BPIFB4: variants seen among roughly 807,000 people sequenced by gnomAD.
BPIFB4 encodes BPI fold-containing family B member 4.
Under a neutral mutation model 69.2 loss-of-function variants are expected in BPIFB4, and 62 were observed. The observed-to-expected ratio is 0.90, with a 90% CI of 0.73 to 1.11. The LOEUF (loss-of-function observed/expected upper bound fraction) is 1.11, where lower values mean the gene tolerates loss of function less well. Ranked by LOEUF, BPIFB4 falls within the 50% of genes least tolerant of loss-of-function variation. BPIFB4 has a pLI of 0.00. For missense variants in BPIFB4, 789 were observed against 792.0 expected (o/e 1.00, Z 0.04); for synonymous variants, 330 against 332.7 (o/e 0.99, Z 0.09).
intron 11 of BPIFB4, among the ~76,000 whole-genome samples, chr20:33,093,943 T>C (rs1055087672): frequency 1.2e-4 from 19 of 152,074 alleles, no homozygotes; most frequent in Non-Finnish European, 2.6e-4. Flanking sequence ...TCTGTCTGTC[T>C]CTCTGTCTGT....
At chr20:33,095,903 G>T (rs1981740496) in intron 12 of BPIFB4, among the ~76,000 whole-genome samples, 1 of 152,120 alleles carries the variant, frequency 6.6e-6, no homozygotes, top group African/African-American at 2.4e-5. Context: ...CCCCAGTTCT[G>T]GTCCCATGTC....
At chr20:33,092,359 T>C in intron 10 of BPIFB4, 99 bp from the exon 11 acceptor site, 1 of 1,119,730 alleles carries the variant, frequency 8.9e-7, no homozygotes, top group Non-Finnish European at 1.3e-6. Context: ...TAACCAAAAA[T>C]GGCTGCCTGG....
chr20:33,081,345 A>G (rs1981222170), intron 2 of BPIFB4, among the ~76,000 whole-genome samples, 167 bp from the exon 3 acceptor site: 1 of 152,226 alleles, frequency 6.6e-6, no homozygotes, highest in Admixed American at 6.5e-5. Context: ...CTCAAAAGGT[A>G]GTATCTGGAA....
intron 13 of BPIFB4, among the ~76,000 whole-genome samples, chr20:33,098,458 A>C (rs1165808529): frequency 1.3e-5 from 2 of 152,104 alleles, no homozygotes; most frequent in African/African-American, 2.4e-5. Flanking sequence ...TAAAATGTGA[A>C]CCATGGCCAG....
intron 7 of BPIFB4, among the ~76,000 whole-genome samples, chr20:33,087,997 C>G (rs752011613): frequency 6.6e-6 from 1 of 151,932 alleles, no homozygotes; most frequent in South Asian, 2.1e-4. Flanking sequence ...GGTTCGGTGG[C>G]GAGGGACGGA....
rs919637634 is a variant in BPIFB4, at chr20:33,111,509, C to T, written c.*72C>T. 2.5e-6 allele frequency: 4 copies of T among 1,581,422 alleles called. No individual in the cohort carries two copies. The South Asian group carries it at 4.5e-5, about 18-fold the overall frequency. Reference sequence around the variant, plus strand: ...GTCCCAGAGAGGCTCGGCCTGGAAACAGTCCCCTGCCCAGAGTCCCCTCAG... The same window carrying T: ...GTCCCAGAGAGGCTCGGCCTGGAAATAGTCCCCTGCCCAGAGTCCCCTCAG... On this transcript the variant is annotated 3_prime_UTR_variant, in exon 18 of 18. Transcript: ENST00000375483.
chr20:33,097,585 C>T, intron 12 of BPIFB4, 32 bp from the exon 13 acceptor site: 2 of 1,601,022 alleles, frequency 1.2e-6, no homozygotes, highest in African/African-American at 1.3e-5. Context: ...ATGCTAAGGG[C>T]CCTGTCCATC....
In BPIFB4 at chr20:33,094,510, CTT is replaced by C. The variant is rs59777915; in HGVS notation, c.1345-577_1345-576del. Among the ~76,000 whole-genome samples, 192 of 140,848 alleles carry C rather than the reference CTT, an allele frequency of 1.4e-3. 1 individual carries two copies. Among genetic ancestry groups the C allele is most frequent in the African/African-American group, 1.6e-3 (62 of 38,178 alleles). The allele number at this position is 140,848 out of a possible 152,430, so 92.4% of individuals were successfully genotyped here. A position where few individuals can be genotyped will look rare whatever the true frequency, so the allele number is the denominator to read the frequency against. On this transcript the variant is annotated intron_variant, in intron 11 of 17. Coordinates refer to ENST00000375483, the MANE Select transcript of BPIFB4 (RefSeq NM_182519.3). ...TTGTTTCTTTTCTTTTTCTTTCTTTCTTTTTTTTTTTTTTGAGACAGAATCTT... is the reference window on the plus strand; with the variant it reads ...TTGTTTCTTTTCTTTTTCTTTCTTTCTTTTTTTTTTTTGAGACAGAATCTT...
At position 33,083,700 on chromosome 20, in the gene BPIFB4, C is replaced by A; in HGVS notation, c.503C>A (p.Pro168Gln). Residue 168 changes from proline to glutamine, a missense_variant, in exon 5 of 18, where the codon CCA becomes CAA. Around this residue, in one of 3 missense-constraint regions of BPIFB4, gnomAD observed 611 missense variants for 575.4 expected, o/e 1.06. Transcript: ENST00000375483. ...PPGVATGAVGPGGLLGTGGML... is the reference protein window; with the variant it reads ...PPGVATGAVGQGGLLGTGGML... ...GGAGTTGCCACTGGGGCGGTGGGCC[C>A]AGGTGGTTTGCTGGGCACTGGAGGC... 2 of 1,614,012 alleles carry A rather than the reference C, an allele frequency of 1.2e-6. No homozygotes were observed. Among genetic ancestry groups the A allele is most frequent in the Middle Eastern group, 3.3e-4 (2 of 6,052 alleles).
intron 11 of BPIFB4, among the ~76,000 whole-genome samples, chr20:33,093,817 A>T (rs977212704): frequency 6.7e-6 from 1 of 150,254 alleles, no homozygotes; most frequent in African/African-American, 2.5e-5. Flanking sequence ...CCACCCATTT[A>T]TGCATTCCTT....
Position 33,085,004 on chromosome 20 carries a change from CCCTTG to C in BPIFB4, c.782+9_782+13del, listed in dbSNP as rs766517804. ...GGCCATCAACGGGAAGAGGTGCGTGCCCTTGGCCCTGGAGGGGTCCCCACCACCCT... is the reference window on the plus strand; with the variant it reads ...GGCCATCAACGGGAAGAGGTGCGTGCGCCCTGGAGGGGTCCCCACCACCCT... On this transcript the variant is annotated intron_variant, in intron 6 of 17. Coordinates refer to ENST00000375483, the MANE Select transcript of BPIFB4 (RefSeq NM_182519.3). The C allele has an allele frequency of 3.1e-6, 5 of 1,609,976 alleles. No individual in the cohort carries two copies. In the East Asian group the frequency reaches 8.9e-5, roughly 29 times the overall value.
At chr20:33,105,754 A>T (rs2424958) in intron 16 of BPIFB4, among the ~76,000 whole-genome samples, 79,556 of 151,574 alleles carry the variant, frequency 0.52, 21,491 homozygotes, top group Middle Eastern at 0.62. Context: ...TGGTCAGAGG[A>T]AGCCGAGTCT....
intron 17 of BPIFB4, among the ~76,000 whole-genome samples, chr20:33,110,476 C>T (rs1982203008): frequency 1.3e-5 from 2 of 152,154 alleles, no homozygotes; most frequent in South Asian, 2.1e-4. Context: ...CTATTTTTCC[C>T]TTAGTAGCTA....
At chr20:33,089,387 C>A in intron 8 of BPIFB4, 111 bp from the exon 9 acceptor site, 2 of 1,538,274 alleles carry the variant, frequency 1.3e-6, no homozygotes, top group Non-Finnish European at 1.8e-6. Flanking sequence ...GAGTGCCTGG[C>A]ACAGAGCAAG....
intron 2 of BPIFB4, among the ~76,000 whole-genome samples, chr20:33,081,281 C>G (rs909811272): frequency 2.0e-5 from 3 of 152,206 alleles, no homozygotes; most frequent in Non-Finnish European, 4.4e-5. Flanking sequence ...TTCTCTGAAA[C>G]AGTGTGTTTA....
At chr20:33,082,264 C>T (rs989904551) in intron 3 of BPIFB4, among the ~76,000 whole-genome samples, 7 of 152,170 alleles carry the variant, frequency 4.6e-5, no homozygotes, top group South Asian at 2.1e-4. Context: ...ATCCATCAGA[C>T]GGGTACACTT....
At chr20:33,110,843 T>C (rs1982217677) in intron 17 of BPIFB4, among the ~76,000 whole-genome samples, 1 of 150,364 alleles carries the variant, frequency 6.7e-6, no homozygotes, top group Admixed American at 6.6e-5. Flanking sequence ...GAGAGGGAGT[T>C]TTGCTCTTGT....
intron 7 of BPIFB4, among the ~76,000 whole-genome samples, chr20:33,087,253 C>T (rs1384481297): frequency 6.6e-6 from 1 of 152,194 alleles, no homozygotes; most frequent in East Asian, 1.9e-4. Flanking sequence ...CTCCTCCTAT[C>T]CCACCTCCCT....
intron 14 of BPIFB4, 62 bp from the exon 15 acceptor site, chr20:33,102,910 G>C (rs1981944838): frequency 6.5e-7 from 1 of 1,541,976 alleles, no homozygotes; most frequent in African/African-American, 1.4e-5. Flanking sequence ...TTGTTGCAAT[G>C]CAAGAGCCTT....
Sources: allele counts gnomAD v4.1 joint callset (sites outside exome capture counted in the v4.1 genomes callset), GRCh38; gene constraint gnomAD v4.1.1; regional missense constraint gnomAD v4.1.1; transcripts MANE v1.5; gene names NCBI Gene and HGNC (gene_info 2026-07-23, HGNC 2026-07-21).